SLC7A2: variants seen among roughly 807,000 people sequenced by gnomAD.
SLC7A2 encodes cationic amino acid transporter 2.
In SLC7A2, 48 loss-of-function variants were observed where a neutral mutation model predicts 58.9. The observed-to-expected ratio is 0.82, with a 90% CI of 0.65 to 1.04. The LOEUF (loss-of-function observed/expected upper bound fraction) is 1.04. Ranked by LOEUF, SLC7A2 falls within the 50% of genes least tolerant of loss-of-function variation. The probability of loss-of-function intolerance (pLI) is 0.00; values close to 1 mark genes in which losing one functional copy is unlikely to be tolerated. For missense variants in SLC7A2, 1,029 were observed against 818.8 expected, an observed-to-expected ratio of 1.26 and a Z score of -3.13; for synonymous variants, 363 against 314.5, an observed-to-expected ratio of 1.15 and a Z score of -1.63.
At chr8:17,513,081 T>G (rs1159502633) in intron 2 of SLC7A2, among the ~76,000 whole-genome samples, 2 of 152,232 alleles carry the variant, frequency 1.3e-5, no homozygotes, top group African/African-American at 4.8e-5. Flanking sequence ...AGAATGCCTT[T>G]TGTGATTGCT....
At chr8:17,530,008 T>G (rs867397398) in intron 2 of SLC7A2, among the ~76,000 whole-genome samples, 8 of 152,194 alleles carry the variant, frequency 5.3e-5, no homozygotes, top group African/African-American at 1.7e-4. Context: ...AGACCCCATT[T>G]GCATTCAACA....
At chr8:17,528,446 A>G (rs1178661457) in intron 2 of SLC7A2, among the ~76,000 whole-genome samples, 1 of 151,988 alleles carries the variant, frequency 6.6e-6, no homozygotes, top group Non-Finnish European at 1.5e-5. Flanking sequence ...GTGCAGTGGC[A>G]TGATTATGGC....
chr8:17,497,624 C>T (rs1221641080), intron 1 of SLC7A2, among the ~76,000 whole-genome samples: 6 of 152,196 alleles, frequency 3.9e-5, no homozygotes, highest in Admixed American at 3.3e-4. Context: ...AGGAGCTCGG[C>T]GCACCCCTCT....
intron 2 of SLC7A2, among the ~76,000 whole-genome samples, chr8:17,526,688 A>G (rs1801235029): frequency 6.6e-6 from 1 of 152,152 alleles, no homozygotes; most frequent in Non-Finnish European, 1.5e-5. Context: ...GCTGGAAACC[A>G]TGGATCAGGG....
intron 7 of SLC7A2, among the ~76,000 whole-genome samples, chr8:17,552,986 A>G (rs1391420996): frequency 6.6e-6 from 1 of 152,072 alleles, no homozygotes; most frequent in East Asian, 1.9e-4. Context: ...ACTCCCTTTT[A>G]TTTTCTAGTT....
chr8:17,549,904 T>C (rs1456279233), intron 5 of SLC7A2, among the ~76,000 whole-genome samples: 1 of 152,238 alleles, frequency 6.6e-6, no homozygotes, highest in Non-Finnish European at 1.5e-5. Context: ...TACTCTGCCT[T>C]ACTCGATGCT....
chr8:17,560,268 G>A (rs1226788848), intron 9 of SLC7A2, 60 bp from the exon 10 acceptor site: 5 of 1,345,590 alleles, frequency 3.7e-6, no homozygotes, highest in Non-Finnish European at 5.3e-6. Flanking sequence ...TTAGGTGCTG[G>A]TTTCACTTGG....
intron 12 of SLC7A2, among the ~76,000 whole-genome samples, chr8:17,564,155 A>T (rs1456077823): frequency 2.6e-5 from 4 of 152,162 alleles, no homozygotes; most frequent in African/African-American, 4.8e-5. Context: ...TGACAGTGAC[A>T]CGTGTAAAGC....
chr8:17,538,842 T>C lies in SLC7A2; in HGVS notation c.-22-4476T>C, dbSNP rs763705675. 27 of 1,613,428 alleles carry C rather than the reference T, an allele frequency of 1.7e-5. No homozygotes were observed. The South Asian group carries it at 2.9e-4, about 17-fold the overall frequency. ...CAACTGGAATGAAGATAGAAACAAGTGGTTATAACTCAGACAAACTAATTT... is the reference window on the plus strand; with the variant it reads ...CAACTGGAATGAAGATAGAAACAAGCGGTTATAACTCAGACAAACTAATTT... On this transcript the variant is annotated intron_variant, in intron 2 of 12. Coordinates refer to ENST00000494857, the MANE Select transcript of SLC7A2 (RefSeq NM_001370338.1).
chr8:17,561,031 C>T (rs756637488), intron 10 of SLC7A2, among the ~76,000 whole-genome samples: 57 of 152,196 alleles, frequency 3.7e-4, no homozygotes, highest in Non-Finnish European at 1.3e-4. Context: ...CTGGCCTTTA[C>T]AGGACAGGAT....
intron 2 of SLC7A2, among the ~76,000 whole-genome samples, chr8:17,527,189 A>G (rs769979692): frequency 2.6e-5 from 4 of 152,180 alleles, no homozygotes; most frequent in African/African-American, 7.2e-5. Flanking sequence ...ATAATATGAA[A>G]CTTAAAATGC....
At chr8:17,496,867 G>T (rs1799971388), upstream of SLC7A2, among the ~76,000 whole-genome samples, 1 of 151,838 alleles carries the variant, frequency 6.6e-6, no homozygotes, top group Non-Finnish European at 1.5e-5. Flanking sequence ...CACCGGCCTA[G>T]CCCGGGGCTA....
chr8:17,512,083 C>G (rs977094119), intron 2 of SLC7A2, among the ~76,000 whole-genome samples: 2 of 152,126 alleles, frequency 1.3e-5, no homozygotes, highest in African/African-American at 4.8e-5. Context: ...TCTCTTTGTA[C>G]TTAGGTAGAG....
intron 2 of SLC7A2, among the ~76,000 whole-genome samples, chr8:17,540,857 T>C (rs1801881774): frequency 6.6e-6 from 1 of 152,190 alleles, no homozygotes; most frequent in Non-Finnish European, 1.5e-5. Flanking sequence ...CCCGAATCTG[T>C]CCTTTGTTTT....
intron 8 of SLC7A2, among the ~76,000 whole-genome samples, chr8:17,557,543 G>T (rs1272820435): frequency 6.6e-6 from 1 of 152,064 alleles, no homozygotes; most frequent in Non-Finnish European, 1.5e-5. Flanking sequence ...AAATAATTCT[G>T]AGTCAGGCCG....
Position 17,508,870 on chromosome 8 carries a change from A to G in SLC7A2, c.-23+6568A>G, listed in dbSNP as rs191462817. Among the ~76,000 whole-genome samples the G allele has an allele frequency of 2.0e-3, 304 of 152,274 alleles. 6 individuals are homozygous for G. Among genetic ancestry groups the G allele is most frequent in the Non-Finnish European group, 5.1e-4 (35 of 68,016 alleles). On this transcript the variant is annotated intron_variant, in intron 2 of 12. Transcript: ENST00000494857. Reference sequence around the variant, plus strand: ...GATTTTAAAAACCCTGAGGACCCACATTATTTCTCTCAGTTTTTGAAGTAT... The same window carrying G: ...GATTTTAAAAACCCTGAGGACCCACGTTATTTCTCTCAGTTTTTGAAGTAT...
At chr8:17,530,194 G>A (rs761802053) in intron 2 of SLC7A2, among the ~76,000 whole-genome samples, 8 of 151,952 alleles carry the variant, frequency 5.3e-5, no homozygotes, top group Non-Finnish European at 1.2e-4. Flanking sequence ...CCCCATCCCC[G>A]GTCCGCCGCT....
rs939417070 is a variant in SLC7A2, at chr8:17,567,782, T to C, written c.*2636T>C. The C allele has an allele frequency of 6.6e-6, 1 of 152,012 alleles. No homozygotes were observed. Among genetic ancestry groups the C allele is most frequent in the Non-Finnish European group, 1.5e-5 (1 of 68,016 alleles). The allele number at this position is 152,012 out of a possible 1,614,324, so 9.4% of individuals were successfully genotyped here. Reference sequence around the variant, plus strand: ...ATATGTATATTTCCTATAGACTCTTTAAGACGTATTTATAATGTTTCTAAT... The same window carrying C: ...ATATGTATATTTCCTATAGACTCTTCAAGACGTATTTATAATGTTTCTAAT... On this transcript the variant is annotated 3_prime_UTR_variant, in exon 13 of 13. Coordinates refer to ENST00000494857, the MANE Select transcript of SLC7A2 (RefSeq NM_001370338.1).
chr8:17,551,868 A>T lies in SLC7A2; in HGVS notation c.937A>T (p.Met313Leu). The T allele has an allele frequency of 6.2e-7, 1 of 1,613,852 alleles. No individual in the cohort carries two copies. The highest frequency in any genetic ancestry group is 8.5e-7 in the Non-Finnish European group (1 of 1,179,988). ...YFGVSAALTLMMPYYLLDEKS... is the reference protein window; with the variant it reads ...YFGVSAALTLLMPYYLLDEKS... ...TGGGGTCTCTGCAGCTTTAACACTT[A>T]TGATGCCGTACTACCTCCTCGATGA... is the stretch of plus-strand genomic sequence containing the variant. Residue 313 changes from methionine to leucine, a missense_variant, in exon 7 of 13, where the codon ATG becomes TTG. By Grantham distance (15) the Met-to-Leu change is conservative. Transcript: ENST00000494857.
Sources: gnomAD v4.1 joint callset for allele counts (sites outside exome capture counted in the v4.1 genomes callset) on GRCh38, gnomAD v4.1.1 for gene constraint, MANE v1.5 for transcripts, NCBI Gene and HGNC (gene_info 2026-07-23, HGNC 2026-07-21) for gene names.